PLPP1: variants seen among roughly 807,000 people sequenced by gnomAD.
PLPP1 encodes the protein phospholipid phosphatase 1.
In PLPP1, 24 loss-of-function variants were observed where a neutral mutation model predicts 31.2. That is an observed-to-expected ratio of 0.77 (90% CI 0.56 to 1.08). The LOEUF is 1.08. PLPP1 is among the 50% of genes least tolerant of loss of function. The probability of loss-of-function intolerance (pLI) is 0.00; values close to 1 mark genes in which losing one functional copy is unlikely to be tolerated. For synonymous variants in PLPP1, 146 were observed against 126.3 expected (o/e 1.16, Z -1.05); for missense variants, 319 against 342.7 (o/e 0.93, Z 0.55).
chr5:55,477,610 C>G (rs1752582037), intron 1 of PLPP1, among the ~76,000 whole-genome samples: 1 of 151,908 alleles, frequency 6.6e-6, no homozygotes, highest in Non-Finnish European at 1.5e-5. Flanking sequence ...CCAGGCTGGT[C>G]TCAAACTCCT....
At chr5:55,490,452 T>C (rs1752865955) in intron 1 of PLPP1, among the ~76,000 whole-genome samples, 2 of 152,170 alleles carry the variant, frequency 1.3e-5, no homozygotes, top group African/African-American at 4.8e-5. Flanking sequence ...ACCTGGCCAA[T>C]AGTGACATAT....
chr5:55,478,452 G>A (rs575227410), intron 1 of PLPP1, among the ~76,000 whole-genome samples: 43 of 152,304 alleles, frequency 2.8e-4, no homozygotes, highest in African/African-American at 9.9e-4. Flanking sequence ...GAGAGTTGGT[G>A]ATATCTCTGA....
chr5:55,470,903 T>C (rs1752399756), intron 2 of PLPP1, among the ~76,000 whole-genome samples: 2 of 152,214 alleles, frequency 1.3e-5, no homozygotes, highest in South Asian at 2.1e-4. Context: ...ACAATACTTA[T>C]GAAGTTCAAA....
At chr5:55,532,612 A>G (rs1740710157) in intron 1 of PLPP1, among the ~76,000 whole-genome samples, 1 of 152,158 alleles carries the variant, frequency 6.6e-6, no homozygotes, top group South Asian at 2.1e-4. Flanking sequence ...AATAAATTTG[A>G]ATATATTTAA....
At chr5:55,433,296 A>G (rs1455976552) in intron 4 of PLPP1, among the ~76,000 whole-genome samples, 6 of 149,884 alleles carry the variant, frequency 4.0e-5, no homozygotes, top group African/African-American at 1.5e-4. Flanking sequence ...ACTGCACTCC[A>G]GCCTGGGTGA....
At chr5:55,489,398 C>T (rs1453428744) in intron 1 of PLPP1, among the ~76,000 whole-genome samples, 2 of 152,134 alleles carry the variant, frequency 1.3e-5, no homozygotes, top group Admixed American at 6.5e-5. Flanking sequence ...TACTTCCCTG[C>T]ACACAGTTTC....
chr5:55,495,150 AT>A (rs1198314558), intron 1 of PLPP1, among the ~76,000 whole-genome samples: 2 of 96,796 alleles, frequency 2.1e-5, no homozygotes, highest in African/African-American at 7.3e-5. Context: ...AAAAAAAAAA[AT>A]GTATTAAATG....
intron 4 of PLPP1, among the ~76,000 whole-genome samples, chr5:55,436,356 A>C (rs1751493470): frequency 1.3e-5 from 2 of 152,136 alleles, no homozygotes; most frequent in African/African-American, 4.8e-5. Flanking sequence ...TTCTTGTGAT[A>C]GTAAGTCTCA....
chr5:55,498,718 T>C (rs1469673549), intron 1 of PLPP1, among the ~76,000 whole-genome samples: 8 of 145,882 alleles, frequency 5.5e-5, no homozygotes, highest in Non-Finnish European at 9.0e-5. Context: ...AAAAAAAAGG[T>C]GAACAATCTG....
chr5:55,473,294 C>A lies in PLPP1; in HGVS notation c.210+2005G>T, dbSNP rs535653738. Among the ~76,000 whole-genome samples the A allele has an allele frequency of 2.0e-5, 3 of 152,272 alleles. No homozygotes were observed. In the East Asian group the frequency reaches 5.8e-4, roughly 29 times the overall value. On this transcript the variant is annotated intron_variant, in intron 2 of 5. Coordinates refer to ENST00000307259, the MANE Select transcript of PLPP1 (RefSeq NM_003711.4). Reference sequence around the variant, plus strand: ...TTTGGGAGAGTCACCAACATTACTGCGTAATTACTCTATAGTTTCCTTCAT... The same window carrying A: ...TTTGGGAGAGTCACCAACATTACTGAGTAATTACTCTATAGTTTCCTTCAT...
At chr5:55,480,954 T>C (rs775711372) in intron 1 of PLPP1, among the ~76,000 whole-genome samples, 5 of 152,228 alleles carry the variant, frequency 3.3e-5, no homozygotes, top group Admixed American at 6.5e-5. Context: ...GTTCTCTGCA[T>C]AGTAAACTCA....
chr5:55,449,392 A>G (rs1263130614), intron 3 of PLPP1, among the ~76,000 whole-genome samples: 1 of 152,208 alleles, frequency 6.6e-6, no homozygotes, highest in Non-Finnish European at 1.5e-5. Context: ...GGTTGTCAAA[A>G]TATCTGACAT....
chr5:55,530,382 C>T (rs922738096), intron 1 of PLPP1: 60 of 1,309,460 alleles, frequency 4.6e-5, no homozygotes, highest in Non-Finnish European at 5.5e-5. Flanking sequence ...ATCCAGTAAA[C>T]GCTCTCTGGT....
At position 55,508,240 on chromosome 5, in the gene PLPP1, C is replaced by T. The variant is rs562536731; in HGVS notation, c.58+26332G>A. Among the ~76,000 whole-genome samples the T allele has an allele frequency of 2.6e-5, 4 of 152,300 alleles. No homozygotes were observed. The East Asian group carries it at 7.7e-4, about 29-fold the overall frequency. On this transcript the variant is annotated intron_variant, in intron 1 of 5. Transcript: ENST00000307259. Reference sequence around the variant, plus strand: ...GGGCCTGCTACTCTCCACAGCTATACAAATGAAATATGAAGTTTATTTCTT... The same window carrying T: ...GGGCCTGCTACTCTCCACAGCTATATAAATGAAATATGAAGTTTATTTCTT...
At chr5:55,454,109 A>G (rs1256602982) in intron 3 of PLPP1, among the ~76,000 whole-genome samples, 1 of 152,178 alleles carries the variant, frequency 6.6e-6, no homozygotes, top group African/African-American at 2.4e-5. Flanking sequence ...CTGTTCTTCC[A>G]GAAACCAAAA....
At chr5:55,523,803 G>A (rs193229165) in intron 1 of PLPP1, among the ~76,000 whole-genome samples, 79 of 152,022 alleles carry the variant, frequency 5.2e-4, no homozygotes, top group Non-Finnish European at 7.6e-4. Flanking sequence ...GCTCCTCCAC[G>A]GCCAACTCAT....
At chr5:55,505,660 A>G (rs767488709) in intron 1 of PLPP1, among the ~76,000 whole-genome samples, 1 of 152,220 alleles carries the variant, frequency 6.6e-6, no homozygotes, top group Admixed American at 6.5e-5. Flanking sequence ...GGTCAATGAC[A>G]AAATAGTTAA....
At chr5:55,514,008 C>T (rs1001649334) in intron 1 of PLPP1, among the ~76,000 whole-genome samples, 4 of 152,126 alleles carry the variant, frequency 2.6e-5, no homozygotes, top group African/African-American at 9.7e-5. Context: ...TCATTTCAGT[C>T]ATTTTGGTAT....
Position 55,425,047 on chromosome 5 carries a change from AG to A in PLPP1, c.*158del. ...AGCTATTAGATAACCACTGAGTTAA[AG>A]GTAACTATGTACACACAAAGTGTGC... On this transcript the variant is annotated 3_prime_UTR_variant, in exon 6 of 6. Coordinates refer to ENST00000307259, the MANE Select transcript of PLPP1 (RefSeq NM_003711.4). 2 of 1,006,176 alleles carry A rather than the reference AG, an allele frequency of 2.0e-6. No homozygotes were observed. 62.3% of individuals were successfully genotyped at this position (1,006,176 alleles called of 1,614,324 possible).
Sources: allele counts gnomAD v4.1 joint callset (sites outside exome capture counted in the v4.1 genomes callset), GRCh38; gene constraint gnomAD v4.1.1; transcripts MANE v1.5; gene names NCBI Gene and HGNC (gene_info 2026-07-23, HGNC 2026-07-21).